CRYGN: variants seen among roughly 807,000 people sequenced by gnomAD.
CRYGN encodes gamma-crystallin N.
A neutral mutation model predicts 19.2 loss-of-function variants in CRYGN; 17 were observed. The observed-to-expected ratio is 0.89, with a 90% CI of 0.61 to 1.33. The LOEUF is 1.33. Ranked by LOEUF, CRYGN falls within the 40% of genes most tolerant of loss-of-function variation. The pLI is 0.00. For synonymous variants in CRYGN, 84 were observed against 85.8 expected (o/e 0.98, Z 0.12); for missense variants, 239 against 239.6 (o/e 1.00, Z 0.02).
At chr7:151,439,768 T>G (rs1801715172) in intron 1 of CRYGN, 129 bp downstream of exon 1, 3 of 1,056,378 alleles carry the variant, frequency 2.8e-6, no homozygotes, top group Non-Finnish European at 3.9e-6. Context: ...CACCCCATTT[T>G]ATTAAGAAAT....
intron 1 of CRYGN, 66 bp from the exon 2 acceptor site, chr7:151,438,310 T>A (rs1310991807): frequency 6.6e-7 from 1 of 1,512,428 alleles, no homozygotes; most frequent in East Asian, 2.3e-5. Flanking sequence ...GAGGCTGGCG[T>A]CTGGGTCCCA....
chr7:151,438,359 G>T, intron 1 of CRYGN, 115 bp from the exon 2 acceptor site: 1 of 1,045,652 alleles, frequency 9.6e-7, no homozygotes, highest in Non-Finnish European at 1.4e-6. Context: ...GCCCCCAAAA[G>T]CCCAGACCTG....
At position 151,431,485 on chromosome 7, in the gene CRYGN, C is replaced by A. The variant is rs1252091090; in HGVS notation, c.417-1305G>T. Among the ~76,000 whole-genome samples the A allele has an allele frequency of 6.6e-6, 1 of 152,146 alleles. No individual in the cohort carries two copies. Among genetic ancestry groups the A allele is most frequent in the Non-Finnish European group, 1.5e-5 (1 of 68,008 alleles). On this transcript the variant is annotated intron_variant, in intron 3 of 3. Coordinates refer to ENST00000337323, the MANE Select transcript of CRYGN (RefSeq NM_144727.3). The surrounding 1 kb of genome is among the most constrained non-coding windows in gnomAD (Gnocchi z 4.8). ...TACAGGCGAGCGCTTGGTGCTGCAC[C>A]AGCTGAAGACGCGAGCCGCCGGTTC...
chr7:151,436,559 T>C lies in CRYGN; in HGVS notation c.271-234A>G, dbSNP rs73476459. Among the ~76,000 whole-genome samples the C allele has an allele frequency of 0.02, 3,059 of 152,270 alleles. 77 individuals carry two copies. The highest frequency in any genetic ancestry group is 0.056 in the East Asian group (288 of 5,154). ...GCCACTGAGCTGGTCCAAGCTCCTC[T>C]TTCTACAACTAGAAAATCTGAGGTC... On this transcript the variant is annotated intron_variant, in intron 2 of 3. Coordinates refer to ENST00000337323, the MANE Select transcript of CRYGN (RefSeq NM_144727.3). This position sits in a 1 kb window ranked among gnomAD's most constrained non-coding sequence, Gnocchi z 5.1.
rs760353878 is a variant in CRYGN, at chr7:151,438,259, T to C, written c.22-15A>G. 2.4e-5 allele frequency: 39 copies of C among 1,598,374 alleles called. No individual in the cohort carries two copies. In the East Asian group the frequency reaches 8.7e-4, roughly 36 times the overall value. Reference sequence around the variant, plus strand: ...TAGAGAGTGATCTAGAAAGGGCAGGTTACAGAGCTCAGGGTCAGGGGCTTC... The same window carrying C: ...TAGAGAGTGATCTAGAAAGGGCAGGCTACAGAGCTCAGGGTCAGGGGCTTC... On this transcript the variant is annotated splice_polypyrimidine_tract_variant and intron_variant, in intron 1 of 3. Transcript: ENST00000337323.
In CRYGN at chr7:151,439,944, C is replaced by G. The variant is rs1401189938; in HGVS notation, c.-27G>C. ...GTGCGCCCCGCCCCTTCCGCGGGTC[C>G]CCGTTTACACCGGGCAGCGCCCTGC... On this transcript the variant is annotated 5_prime_UTR_variant, in exon 1 of 4. Transcript: ENST00000337323. 2.0e-6 allele frequency: 3 copies of G among 1,524,846 alleles called. No individual in the cohort carries two copies. Among genetic ancestry groups the G allele is most frequent in the Admixed American group, 4.1e-5 (2 of 49,362 alleles). 94.5% of individuals were successfully genotyped at this position (1,524,846 alleles called of 1,614,324 possible).
rs1029640170 is a variant in CRYGN, at chr7:151,435,699, G to A, written c.416+481C>T. Among the ~76,000 whole-genome samples, 2 of 152,028 alleles carry A rather than the reference G, an allele frequency of 1.3e-5. No individual in the cohort carries two copies. Among genetic ancestry groups the A allele is most frequent in the Non-Finnish European group, 2.9e-5 (2 of 67,968 alleles). ...GGCCCGGTTCAGGGGTCAGCTCTGC[G>A]GGGTAGGCGCGGGGGCAGGGTGGGC... On this transcript the variant is annotated intron_variant, in intron 3 of 3. Coordinates refer to ENST00000337323, the MANE Select transcript of CRYGN (RefSeq NM_144727.3). The surrounding 1 kb of genome is among the most constrained non-coding windows in gnomAD (Gnocchi z 4.2).
rs1250532263 is a variant in CRYGN at position 151,435,299 on chromosome 7, GGACA to G, written c.416+877_416+880del. Among the ~76,000 whole-genome samples, 1 of 152,204 alleles carries G rather than the reference GGACA, an allele frequency of 6.6e-6. No homozygotes were observed. The highest frequency in any genetic ancestry group is 1.5e-5 in the Non-Finnish European group (1 of 68,028). ...GGGAAAGCGGCTAGCTCTGGAACAG[GGACA>G]GACACAGGCTTGGCTGCAGTCTCAG... On this transcript the variant is annotated intron_variant, in intron 3 of 3. Coordinates refer to ENST00000337323, the MANE Select transcript of CRYGN (RefSeq NM_144727.3). The surrounding 1 kb of genome is among the most constrained non-coding windows in gnomAD (Gnocchi z 4.2).
rs1801653422 is a variant in CRYGN at position 151,437,787 on chromosome 7, C to T, written c.270+209G>A. Reference sequence around the variant, plus strand: ...TGGTTTATTGATACCTGTATGAAAACTCAGGGCCACTCCCACTCAGTTCAT... The same window carrying T: ...TGGTTTATTGATACCTGTATGAAAATTCAGGGCCACTCCCACTCAGTTCAT... On this transcript the variant is annotated intron_variant, in intron 2 of 3. Coordinates refer to ENST00000337323, the MANE Select transcript of CRYGN (RefSeq NM_144727.3). The T allele has an allele frequency of 1.5e-5, 22 of 1,428,162 alleles. No homozygotes were observed. The South Asian group carries it at 2.6e-4, about 17-fold the overall frequency. The allele number at this position is 1,428,162 out of a possible 1,614,324, so 88.5% of individuals were successfully genotyped here.
rs1801425487 is a variant in CRYGN, at chr7:151,429,921, A to G, written c.*127T>C. 4.2e-6 allele frequency: 3 copies of G among 718,064 alleles called. No individual in the cohort carries two copies. The highest frequency in any genetic ancestry group is 7.7e-6 in the Non-Finnish European group (3 of 387,508). 44.5% of individuals were successfully genotyped at this position (718,064 alleles called of 1,614,324 possible). On this transcript the variant is annotated 3_prime_UTR_variant, in exon 4 of 4. Coordinates refer to ENST00000337323, the MANE Select transcript of CRYGN (RefSeq NM_144727.3). ...GGAGGGCCTCCCGCTGGCAGATATGACACACAGAAGGCTCCACCTCCCTAA... is the reference window on the plus strand; with the variant it reads ...GGAGGGCCTCCCGCTGGCAGATATGGCACACAGAAGGCTCCACCTCCCTAA...
In CRYGN at chr7:151,436,279, G is replaced by T. The variant is rs374865002; in HGVS notation, c.317C>A (p.Thr106Lys). The T allele has an allele frequency of 6.3e-7, 1 of 1,596,808 alleles. No homozygotes were observed. Among genetic ancestry groups the T allele is most frequent in the Admixed American group, 1.7e-5 (1 of 57,320 alleles). The change falls in exon 3 of 4, where the codon ACG (threonine) becomes AAG (lysine). Residue 106 changes from threonine (T) to lysine (K), a missense_variant. Thr to Lys is a moderately conservative substitution (Grantham distance 78). Transcript: ENST00000337323. This position sits in a 1 kb window ranked among gnomAD's most constrained non-coding sequence, Gnocchi z 5.1. ...RLEIFEGCNFTGQCLEFLEDS... is the reference protein window; with the variant it reads ...RLEIFEGCNFKGQCLEFLEDS... The stretch of plus-strand genomic sequence containing the variant: ...CTCCAGGAACTCCAGGCACTGGCCC[G>T]TGAAGTTGCAACCCTCGAAGATTTC...
chr7:151,432,008 G>A, intron 3 of CRYGN: 1 of 399,970 alleles, frequency 2.5e-6, no homozygotes. Context: ...GGGCTGGGAT[G>A]CCCACTGCCG....
Position 151,439,928 on chromosome 7 carries a change from GC to G in CRYGN, c.-12del. ...CGAGCGCTGCGCCATGGTGCGCCCC[GC>G]CCCTTCCGCGGGTCCCCGTTTACAC... On this transcript the variant is annotated 5_prime_UTR_variant, in exon 1 of 4. Coordinates refer to ENST00000337323, the MANE Select transcript of CRYGN (RefSeq NM_144727.3). The G allele has an allele frequency of 6.5e-7, 1 of 1,536,842 alleles. No homozygotes were observed.
Position 151,436,340 on chromosome 7 carries a change from A to C in CRYGN, c.271-15T>G. 6.6e-7 allele frequency: 1 copy of C among 1,516,646 alleles called. No homozygotes were observed. The highest frequency in any genetic ancestry group is 8.8e-7 in the Non-Finnish European group (1 of 1,130,024). The allele number at this position is 1,516,646 out of a possible 1,614,324, so 93.9% of individuals were successfully genotyped here. A position where few individuals can be genotyped will look rare whatever the true frequency, so the allele number is the denominator to read the frequency against. On this transcript the variant is annotated splice_polypyrimidine_tract_variant and intron_variant, in intron 2 of 3. Coordinates refer to ENST00000337323, the MANE Select transcript of CRYGN (RefSeq NM_144727.3). This position sits in a 1 kb window ranked among gnomAD's most constrained non-coding sequence, Gnocchi z 5.1. ...TGTTCTCCGTGCTCCAAGACCAAGC[A>C]AAAAAGAAGGAAAGAAGGAGGTTGC...
chr7:151,434,779 C>T (rs1379518921), intron 3 of CRYGN, among the ~76,000 whole-genome samples: 2 of 152,136 alleles, frequency 1.3e-5, no homozygotes, highest in Non-Finnish European at 2.9e-5. Flanking sequence ...CCATTTCTCC[C>T]CTCATCAATT....
At chr7:151,439,342 G>GA (rs1026611655) in intron 1 of CRYGN, among the ~76,000 whole-genome samples, 12 of 152,338 alleles carry the variant, frequency 7.9e-5, no homozygotes, top group Admixed American at 7.8e-4. Context: ...GGCTTCATGG[G>GA]AGTGGCTAGG....
chr7:151,432,220 C>A, intron 3 of CRYGN: 2 of 1,232,190 alleles, frequency 1.6e-6, no homozygotes, highest in Non-Finnish European at 2.0e-6. Flanking sequence ...CGAGAAGCTG[C>A]GGAAGTCGCC....
chr7:151,438,337 C>T, intron 1 of CRYGN, 93 bp from the exon 2 acceptor site: 2 of 1,339,382 alleles, frequency 1.5e-6, no homozygotes, highest in African/African-American at 2.9e-5. Flanking sequence ...TGGATGGAAC[C>T]CCTACTCCCA....
chr7:151,432,837 A>G (rs1801504259), intron 3 of CRYGN, among the ~76,000 whole-genome samples: 2 of 152,194 alleles, frequency 1.3e-5, no homozygotes. Flanking sequence ...CTGTTCCCTG[A>G]TAAGGACCAC....
Sources: gnomAD v4.1 joint callset for allele counts (sites outside exome capture counted in the v4.1 genomes callset) on GRCh38, gnomAD v4.1.1 for gene constraint, Gnocchi (gnomAD v3.1) non-coding constraint, MANE v1.5 for transcripts, NCBI Gene and HGNC (gene_info 2026-07-23, HGNC 2026-07-21) for gene names.